Variants in ASB5 observed in about 807,000 individuals in gnomAD.
ASB5 encodes the protein ankyrin repeat and SOCS box containing 5.
ASB5 carries 45 observed loss-of-function variants against 42.1 expected under a neutral mutation model. That is an observed-to-expected ratio of 1.07 (90% confidence interval 0.84 to 1.37). ASB5 has a LOEUF of 1.37. ASB5 is among the 40% of genes most tolerant of loss of function. The probability of loss-of-function intolerance (pLI) is 0.00; values close to 1 mark genes in which losing one functional copy is unlikely to be tolerated. For missense variants in ASB5, 402 were observed against 399.8 expected (o/e 1.01, Z -0.05); for synonymous variants, 147 against 150.6 (o/e 0.98, Z 0.18).
In ASB5 at chr4:176,246,212, A is replaced by G. The variant is rs17062671; in HGVS notation, c.197-20871T>C. 7.8e-3 allele frequency among the ~76,000 whole-genome samples: 1,183 copies of G among 152,338 alleles called. 12 individuals are homozygous for G. The highest frequency in any genetic ancestry group is 0.027 in the African/African-American group (1,111 of 41,580). Reference sequence around the variant, plus strand: ...TGTTTTACTGTATTTAATTTTAACCATAAGGGGAAAGGCTTTTACAGCTAC... The same window carrying G: ...TGTTTTACTGTATTTAATTTTAACCGTAAGGGGAAAGGCTTTTACAGCTAC... On this transcript the variant is annotated intron_variant, in intron 1 of 6. Coordinates refer to ENST00000296525, the MANE Select transcript of ASB5 (RefSeq NM_080874.4).
At chr4:176,261,535 C>G (rs1054149535) in intron 1 of ASB5, among the ~76,000 whole-genome samples, 3 of 152,172 alleles carry the variant, frequency 2.0e-5, no homozygotes, top group Non-Finnish European at 2.9e-5. Flanking sequence ...GATGAGACAG[C>G]CTTGTTTGGC....
intron 1 of ASB5, among the ~76,000 whole-genome samples, chr4:176,246,178 G>A (rs573346741): frequency 6.6e-6 from 1 of 152,142 alleles, no homozygotes; most frequent in East Asian, 1.9e-4. Flanking sequence ...TGGAAGAAGT[G>A]GGGGAAAATG....
intron 1 of ASB5, among the ~76,000 whole-genome samples, chr4:176,251,710 G>A (rs181792654): frequency 2.0e-5 from 3 of 150,606 alleles, no homozygotes; most frequent in Non-Finnish European, 3.0e-5. Flanking sequence ...AACGATCTTC[G>A]AGTTAATAAG....
intron 1 of ASB5, among the ~76,000 whole-genome samples, chr4:176,256,823 C>T (rs1754166208): frequency 6.6e-6 from 1 of 152,016 alleles, no homozygotes; most frequent in Non-Finnish European, 1.5e-5. Context: ...CCTGTAGTCC[C>T]AGCTACATGG....
intron 1 of ASB5, among the ~76,000 whole-genome samples, chr4:176,259,615 G>C (rs1754219559): frequency 6.6e-6 from 1 of 152,188 alleles, no homozygotes; most frequent in South Asian, 2.1e-4. Flanking sequence ...AGCCTTACCT[G>C]ATTTAATTCA....
chr4:176,270,783 A>G (rs977930853), upstream of ASB5, among the ~76,000 whole-genome samples: 1 of 152,142 alleles, frequency 6.6e-6, no homozygotes, highest in African/African-American at 2.4e-5. Flanking sequence ...TTCTATGGTG[A>G]GTCTTCCCTC....
chr4:176,274,345 T>A (rs1287664270), intron 2 of ASB5, among the ~76,000 whole-genome samples: 2 of 152,194 alleles, frequency 1.3e-5, no homozygotes, highest in Middle Eastern at 3.2e-3. Context: ...AATTGAGGGC[T>A]TCTCTCACTT....
chr4:176,233,488 T>G (rs1753604483), intron 1 of ASB5, among the ~76,000 whole-genome samples: 2 of 152,224 alleles, frequency 1.3e-5, no homozygotes, highest in Admixed American at 1.3e-4. Context: ...CTAGTCTTTT[T>G]TCATTTCTCT....
Position 176,246,507 on chromosome 4 carries a change from G to A in ASB5, c.197-21166C>T, listed in dbSNP as rs2126966670. ...TGTAGACAGTCCACACCACAGTGCAGTTGCTTATTTAGTGAGTTCAGGTGC... is the reference window on the plus strand; with the variant it reads ...TGTAGACAGTCCACACCACAGTGCAATTGCTTATTTAGTGAGTTCAGGTGC... On this transcript the variant is annotated intron_variant, in intron 1 of 6. Coordinates refer to ENST00000296525, the MANE Select transcript of ASB5 (RefSeq NM_080874.4). 2.0e-5 allele frequency among the ~76,000 whole-genome samples: 3 copies of A among 152,310 alleles called. No individual in the cohort carries two copies. The Middle Eastern group carries it at 0.01, about 518-fold the overall frequency.
At chr4:176,241,769 G>T in intron 1 of ASB5, 1 of 862,844 alleles carries the variant, frequency 1.2e-6, no homozygotes, top group Non-Finnish European at 1.5e-6. Flanking sequence ...TTGTTCCAAA[G>T]GTCATTCATT....
intron 1 of ASB5, among the ~76,000 whole-genome samples, chr4:176,247,145 G>A (rs1438250948): frequency 6.6e-6 from 1 of 151,992 alleles, no homozygotes; most frequent in Non-Finnish European, 1.5e-5. Flanking sequence ...ATATATGTAA[G>A]ATCTCCCCAG....
chr4:176,227,495 A>G (rs1401096645), intron 1 of ASB5, among the ~76,000 whole-genome samples: 1 of 152,220 alleles, frequency 6.6e-6, no homozygotes, highest in African/African-American at 2.4e-5. Flanking sequence ...ATTTAATGAT[A>G]ACCTGATTGC....
At chr4:176,252,411 C>A (rs905689369) in intron 1 of ASB5, among the ~76,000 whole-genome samples, 1 of 152,204 alleles carries the variant, frequency 6.6e-6, no homozygotes, top group African/African-American at 2.4e-5. Flanking sequence ...ATTCCATTCA[C>A]TTAAGTTTGA....
chr4:176,269,329 T>A, upstream of ASB5: 1 of 368,700 alleles, frequency 2.7e-6, no homozygotes, highest in Middle Eastern at 7.0e-4. Context: ...GTGTCACAAG[T>A]CTCCTGACTT....
intron 1 of ASB5, among the ~76,000 whole-genome samples, chr4:176,246,495 C>A (rs1002558918): frequency 2.0e-5 from 3 of 152,220 alleles, no homozygotes; most frequent in Admixed American, 6.5e-5. Context: ...AGACAGTCCA[C>A]ACCACAGTGC....
Position 176,215,453 on chromosome 4 carries a change from TAA to T in ASB5, c.*145_*146del, listed in dbSNP as rs1752940385. On this transcript the variant is annotated 3_prime_UTR_variant, in exon 7 of 7. Coordinates refer to ENST00000296525, the MANE Select transcript of ASB5 (RefSeq NM_080874.4). ...GATAAAACAATAGTACTAATACACT[TAA>T]AATGAAAATTGATATTTTACTGCTT... 7.8e-6 allele frequency: 6 copies of T among 766,154 alleles called. No homozygotes were observed. In the East Asian group the frequency reaches 1.4e-4, roughly 18 times the overall value. The allele number at this position is 766,154 out of a possible 1,614,324, so 47.5% of individuals were successfully genotyped here.
chr4:176,218,218 G>T (rs1462467537), intron 5 of ASB5, among the ~76,000 whole-genome samples: 2 of 29,204 alleles, frequency 6.8e-5, no homozygotes, highest in African/African-American at 1.3e-4. Context: ...ATATTTGTAT[G>T]ATATAAATAT....
At chr4:176,267,391 G>A (rs1754377865) in intron 1 of ASB5, among the ~76,000 whole-genome samples, 1 of 152,148 alleles carries the variant, frequency 6.6e-6, no homozygotes, top group Admixed American at 6.6e-5. Context: ...TTCAGAGGCT[G>A]AGGCAGGAGG....
intron 1 of ASB5, among the ~76,000 whole-genome samples, chr4:176,256,514 G>A (rs112282895): frequency 1.3e-5 from 2 of 152,218 alleles, no homozygotes; most frequent in African/African-American, 4.8e-5. Flanking sequence ...ATGAATTCAA[G>A]TTTGAGGTCT....
Sources: gnomAD v4.1 joint callset for allele counts (sites outside exome capture counted in the v4.1 genomes callset) on GRCh38, gnomAD v4.1.1 for gene constraint, MANE v1.5 for transcripts, NCBI Gene and HGNC (gene_info 2026-07-23, HGNC 2026-07-21) for gene names.